Variants in FRAS1 observed in about 807,000 individuals in gnomAD.
The protein encoded by FRAS1 is Fraser extracellular matrix complex subunit 1.
A neutral mutation model predicts 435.2 loss-of-function variants in FRAS1; 290 were observed. The observed-to-expected ratio is 0.67, with a 90% CI of 0.61 to 0.73. The LOEUF is 0.73. Ranked by LOEUF, FRAS1 falls within the 30% of genes least tolerant of loss-of-function variation. The pLI, the probability that FRAS1 is intolerant of heterozygous loss-of-function variation, is 0.00. For synonymous variants in FRAS1, 1,800 were observed against 1,851.0 expected, an observed-to-expected ratio of 0.97 and a Z score of 0.71; for missense variants, 4,860 against 5,001.5, an observed-to-expected ratio of 0.97 and a Z score of 0.85.
At chr4:78,463,997 G>T in intron 47 of FRAS1, 24 bp from the exon 48 acceptor site, 2 of 1,611,736 alleles carry the variant, frequency 1.2e-6, no homozygotes, top group Non-Finnish European at 8.5e-7. Flanking sequence ...TCCTGTCTCT[G>T]TTTCTCTTTT....
At chr4:78,526,430 C>G (rs1721536585) in intron 69 of FRAS1, 111 bp from the exon 70 acceptor site, 2 of 644,170 alleles carry the variant, frequency 3.1e-6, no homozygotes, top group Non-Finnish European at 5.4e-6. Context: ...TTCTTAGATG[C>G]TGGACACAAA....
intron 2 of FRAS1, 24 bp from the exon 3 acceptor site, chr4:78,237,486 A>G: frequency 6.4e-7 from 1 of 1,560,882 alleles, no homozygotes; most frequent in South Asian, 1.1e-5. Context: ...CAGTTTTTAA[A>G]TCAGAGCTTA....
Position 78,286,427 on chromosome 4 carries a change from G to A in FRAS1, c.1422G>A (p.Thr474=), listed in dbSNP as rs1727606157. The change falls in exon 14 of 74, where the codon ACG becomes ACA. Residue 474 remains threonine (T), a synonymous_variant. Transcript: ENST00000512123. ...CAGCCTGCCAGCCCCAGTGCTCCAC[G>A]TGTACCAGTGGGCTGGAGTGCTCAT... ...LCLACQPQCS[T]CTSGLECSSC... is the part of the protein sequence containing the mutation. 9 of 1,613,448 alleles carry A rather than the reference G, an allele frequency of 5.6e-6. No individual in the cohort carries two copies. Among genetic ancestry groups the A allele is most frequent in the African/African-American group, 1.3e-5 (1 of 74,926 alleles).
intron 70 of FRAS1, among the ~76,000 whole-genome samples, chr4:78,528,471 G>C (rs976253648): frequency 6.6e-6 from 1 of 152,080 alleles, no homozygotes; most frequent in Non-Finnish European, 1.5e-5. Context: ...TGCCACTATG[G>C]ATAAGTTTTC....
At chr4:78,125,114 T>C (rs1448071729) in intron 2 of FRAS1, among the ~76,000 whole-genome samples, 1 of 152,358 alleles carries the variant, frequency 6.6e-6, no homozygotes, top group South Asian at 2.1e-4. Flanking sequence ...CTGCTTTCTC[T>C]TGTGGGCATT....
rs559337668 is a variant in FRAS1, at chr4:78,513,146, G to A, written c.10014-246G>A. ...TTGTGATGTTATCTTTTCCTGTATAGAAAAAAAATCTATAATTCTAGATTA... is the reference window on the plus strand; with the variant it reads ...TTGTGATGTTATCTTTTCCTGTATAAAAAAAAAATCTATAATTCTAGATTA... On this transcript the variant is annotated intron_variant, in intron 64 of 73. Transcript: ENST00000512123. 4.6e-5 allele frequency among the ~76,000 whole-genome samples: 7 copies of A among 151,854 alleles called. No individual in the cohort carries two copies. In the South Asian group the frequency reaches 1.2e-3, roughly 27 times the overall value.
chr4:78,484,582 T>C (rs1305250729), intron 58 of FRAS1, among the ~76,000 whole-genome samples: 1 of 152,152 alleles, frequency 6.6e-6, no homozygotes. Flanking sequence ...CCTACAGAAG[T>C]TTTATAGCCT....
intron 22 of FRAS1, among the ~76,000 whole-genome samples, chr4:78,365,158 T>C (rs1188345450): frequency 6.6e-6 from 1 of 152,222 alleles, no homozygotes; most frequent in Non-Finnish European, 1.5e-5. Context: ...ATTTTATAGA[T>C]AGGAAGATAG....
intron 38 of FRAS1, among the ~76,000 whole-genome samples, chr4:78,433,938 C>G (rs1348164480): frequency 6.6e-6 from 1 of 152,128 alleles, no homozygotes; most frequent in Non-Finnish European, 1.5e-5. Flanking sequence ...GTGAATTTAC[C>G]CACCAGAGCA....
chr4:78,474,356 A>C (rs965043629), intron 53 of FRAS1, among the ~76,000 whole-genome samples: 4 of 152,206 alleles, frequency 2.6e-5, no homozygotes, highest in Non-Finnish European at 4.4e-5. Context: ...CTTTAAGTCT[A>C]CATTTCAGAG....
intron 2 of FRAS1, among the ~76,000 whole-genome samples, chr4:78,187,661 T>A (rs1183628540): frequency 6.6e-6 from 1 of 152,118 alleles, no homozygotes; most frequent in Admixed American, 6.6e-5. Context: ...TGGAGTGCAG[T>A]GGCAAGATCT....
chr4:78,190,921 G>T (rs1013205185), intron 2 of FRAS1, among the ~76,000 whole-genome samples: 2 of 152,140 alleles, frequency 1.3e-5, no homozygotes, highest in African/African-American at 4.8e-5. Flanking sequence ...TGTAATTAGG[G>T]TTAAATGAGG....
chr4:78,421,073 C>A (rs190625997), intron 33 of FRAS1, among the ~76,000 whole-genome samples: 10 of 151,828 alleles, frequency 6.6e-5, no homozygotes, highest in African/African-American at 2.2e-4. Flanking sequence ...GCATCCAGCA[C>A]AGGAGAAAGA....
intron 56 of FRAS1, among the ~76,000 whole-genome samples, chr4:78,480,660 G>A (rs1214692312): frequency 2.0e-5 from 3 of 152,204 alleles, no homozygotes; most frequent in Admixed American, 6.5e-5. Flanking sequence ...CGATCAGTGG[G>A]CAGGTCACTT....
intron 22 of FRAS1, among the ~76,000 whole-genome samples, chr4:78,365,966 GAA>G (rs199938373): frequency 7.2e-6 from 1 of 139,532 alleles, no homozygotes. Flanking sequence ...GTCTGTCTCA[GAA>G]AAAAAAAAAA....
chr4:78,456,135 T>C (rs1458284182), intron 47 of FRAS1, among the ~76,000 whole-genome samples: 3 of 120,020 alleles, frequency 2.5e-5, no homozygotes, highest in African/African-American at 1.0e-4. Flanking sequence ...AGAACACATG[T>C]CACTTTTTTT....
At chr4:78,473,931 A>G (rs189600072) in intron 53 of FRAS1, among the ~76,000 whole-genome samples, 47 of 152,334 alleles carry the variant, frequency 3.1e-4, no homozygotes, top group Admixed American at 7.8e-4. Context: ...ACCAGGATGT[A>G]AGCCCAGTGA....
intron 32 of FRAS1, among the ~76,000 whole-genome samples, chr4:78,417,720 A>G (rs1224793093): frequency 6.6e-6 from 1 of 152,144 alleles, no homozygotes; most frequent in African/African-American, 2.4e-5. Context: ...GCAACCTACA[A>G]TCTTTTCATG....
chr4:78,173,498 C>T (rs965750433), intron 2 of FRAS1, among the ~76,000 whole-genome samples: 1 of 152,218 alleles, frequency 6.6e-6, no homozygotes, highest in Non-Finnish European at 1.5e-5. Context: ...CTTGCATCTC[C>T]TCCCTCTTTA....
Sources: gnomAD v4.1 joint callset for allele counts (sites outside exome capture counted in the v4.1 genomes callset) on GRCh38, gnomAD v4.1.1 for gene constraint, MANE v1.5 for transcripts, NCBI Gene and HGNC (gene_info 2026-07-23, HGNC 2026-07-21) for gene names.